Variants in ESRRB observed in about 807,000 individuals in gnomAD.
The protein encoded by ESRRB is estrogen related receptor beta.
A neutral mutation model predicts 46.0 loss-of-function variants in ESRRB; 16 were observed. The ratio of observed to expected loss-of-function variants is 0.35; its 90% CI spans 0.24 to 0.53. The LOEUF is 0.53. Ranked by LOEUF, ESRRB falls within the 20% of genes least tolerant of loss-of-function variation. ESRRB has a pLI of 0.93. For synonymous variants in ESRRB, 246 were observed against 259.6 expected, an observed-to-expected ratio of 0.95 and a Z score of 0.50; for missense variants, 488 against 607.4, an observed-to-expected ratio of 0.80 and a Z score of 2.07.
chr14:76,327,465 G>T (rs1883944420), intron 1 of ESRRB, among the ~76,000 whole-genome samples: 1 of 151,498 alleles, frequency 6.6e-6, no homozygotes, highest in South Asian at 2.1e-4. Context: ...TCCCGGAAAG[G>T]TATTCAGCTT....
chr14:76,464,196 G>A (rs1487879574), intron 3 of ESRRB, among the ~76,000 whole-genome samples: 1 of 152,166 alleles, frequency 6.6e-6, no homozygotes, highest in Non-Finnish European at 1.5e-5. Flanking sequence ...TGATCAGAAG[G>A]GGCTACAGAG....
chr14:76,377,742 A>C (rs935341914), intron 1 of ESRRB, among the ~76,000 whole-genome samples: 1 of 151,380 alleles, frequency 6.6e-6, no homozygotes, highest in African/African-American at 2.4e-5. Context: ...GAAGTACCTA[A>C]CCCCTCTCCT....
upstream of ESRRB, among the ~76,000 whole-genome samples, chr14:76,370,445 G>A (rs1458082390): frequency 6.6e-6 from 1 of 152,090 alleles, no homozygotes; most frequent in African/African-American, 2.4e-5. Flanking sequence ...GAACGATAAT[G>A]TAATATGTGA....
chr14:76,398,232 T>A (rs1041319538), intron 1 of ESRRB, among the ~76,000 whole-genome samples: 2 of 152,220 alleles, frequency 1.3e-5, no homozygotes, highest in African/African-American at 4.8e-5. Context: ...GCACTTGCAT[T>A]TTCCTCATAT....
intron 5 of ESRRB, among the ~76,000 whole-genome samples, chr14:76,486,345 C>A (rs1053830409): frequency 6.6e-6 from 1 of 152,174 alleles, no homozygotes; most frequent in Non-Finnish European, 1.5e-5. Flanking sequence ...TCCCCAGAGG[C>A]CTCCTCACAA....
chr14:76,351,050 G>C (rs1884307751), intron 1 of ESRRB, among the ~76,000 whole-genome samples: 1 of 152,152 alleles, frequency 6.6e-6, no homozygotes, highest in African/African-American at 2.4e-5. Flanking sequence ...ACAGGTTGGG[G>C]GTAGATGTCA....
At chr14:76,377,027 A>AG (rs1348323783) in intron 1 of ESRRB, among the ~76,000 whole-genome samples, 4 of 152,154 alleles carry the variant, frequency 2.6e-5, no homozygotes, top group Non-Finnish European at 5.9e-5. Context: ...CGGCGGATCC[A>AG]GGGCGCCCGG....
At chr14:76,446,953 C>G (rs1335094235) in intron 2 of ESRRB, among the ~76,000 whole-genome samples, 2 of 152,140 alleles carry the variant, frequency 1.3e-5, no homozygotes, top group Admixed American at 1.3e-4. Context: ...TAACCTTGAC[C>G]CTGTCACCCT....
chr14:76,446,552 A>G (rs1462864559), intron 2 of ESRRB, among the ~76,000 whole-genome samples: 3 of 152,180 alleles, frequency 2.0e-5, no homozygotes, highest in East Asian at 3.8e-4. Context: ...AAAAATGCCA[A>G]TTAACAAGGA....
At chr14:76,479,239 G>GTGCA (rs763444674) in intron 3 of ESRRB, among the ~76,000 whole-genome samples, 10,285 of 94,010 alleles carry the variant, frequency 0.11, 429 homozygotes, top group Middle Eastern at 0.22. Flanking sequence ...GTGTGTACGT[G>GTGCA]TGCATGCGTG....
intron 1 of ESRRB, among the ~76,000 whole-genome samples, chr14:76,426,080 G>A (rs761683067): frequency 1.3e-5 from 2 of 152,196 alleles, no homozygotes; most frequent in East Asian, 1.9e-4. Flanking sequence ...TGCTTAACAC[G>A]GCAGAAGCAG....
intron 1 of ESRRB, among the ~76,000 whole-genome samples, chr14:76,360,970 A>C (rs1363676115): frequency 6.6e-6 from 1 of 152,208 alleles, no homozygotes; most frequent in East Asian, 1.9e-4. Flanking sequence ...GACAATATTC[A>C]GGCAGGGCTT....
At chr14:76,380,539 C>T (rs571164611) in intron 1 of ESRRB, among the ~76,000 whole-genome samples, 2 of 152,368 alleles carry the variant, frequency 1.3e-5, no homozygotes, top group South Asian at 4.1e-4. Context: ...GTAAAGCCCA[C>T]ACCACACCTT....
intron 1 of ESRRB, among the ~76,000 whole-genome samples, chr14:76,348,972 A>G (rs1443105492): frequency 6.6e-6 from 1 of 152,202 alleles, no homozygotes; most frequent in African/African-American, 2.4e-5. Context: ...ACTAACTTCA[A>G]GGCCTGCTCG....
At chr14:76,417,540 G>A (rs1264870522) in intron 1 of ESRRB, among the ~76,000 whole-genome samples, 8 of 152,168 alleles carry the variant, frequency 5.3e-5, no homozygotes, top group Non-Finnish European at 8.8e-5. Context: ...TTCCTGCAGC[G>A]TCTGTGTGTG....
At chr14:76,439,217 C>T (rs112869560) in intron 1 of ESRRB, 124 bp from the exon 2 acceptor site, 1 of 1,117,894 alleles carries the variant, frequency 8.9e-7, no homozygotes, top group Non-Finnish European at 1.3e-6. Context: ...CCTTCTCCAC[C>T]GTTGTTTTAT....
In ESRRB at chr14:76,500,283, G is replaced by A. The variant is rs1388433207; in HGVS notation, c.*1825G>A. On this transcript the variant is annotated 3_prime_UTR_variant, in exon 7 of 7. Transcript: ENST00000644823. ...AAGAGCCCTCCCAGACCAGTGATGTGTCCCTCCGGCTCCCCTTGCCTGTGG... is the reference window on the plus strand; with the variant it reads ...AAGAGCCCTCCCAGACCAGTGATGTATCCCTCCGGCTCCCCTTGCCTGTGG... 3.3e-6 allele frequency: 2 copies of A among 598,434 alleles called. No homozygotes were observed. The highest frequency in any genetic ancestry group is 2.1e-5 in the South Asian group (1 of 48,312). 37.1% of individuals were successfully genotyped at this position (598,434 alleles called of 1,614,324 possible). A position where few individuals can be genotyped will look rare whatever the true frequency, so the allele number is the denominator to read the frequency against.
At chr14:76,403,223 A>T (rs1886017824) in intron 1 of ESRRB, among the ~76,000 whole-genome samples, 1 of 152,196 alleles carries the variant, frequency 6.6e-6, no homozygotes, top group Non-Finnish European at 1.5e-5. Context: ...CATTTTACAG[A>T]TAAAGAAATA....
At chr14:76,357,105 C>T (rs1251095888) in intron 1 of ESRRB, among the ~76,000 whole-genome samples, 1 of 141,558 alleles carries the variant, frequency 7.1e-6, no homozygotes, top group African/African-American at 2.5e-5. Flanking sequence ...CCACTCCTCC[C>T]CAATGAGGGA....
Sources: gnomAD v4.1 joint callset for allele counts (sites outside exome capture counted in the v4.1 genomes callset) on GRCh38, gnomAD v4.1.1 for gene constraint, MANE v1.5 for transcripts, NCBI Gene and HGNC (gene_info 2026-07-23, HGNC 2026-07-21) for gene names.